Variants in BMPR1A observed in about 807,000 individuals in gnomAD.
BMPR1A encodes the protein bone morphogenetic protein receptor type-1A.
BMPR1A carries 7 observed loss-of-function variants against 66.0 expected under a neutral mutation model. The ratio of observed to expected loss-of-function variants is 0.11; its 90% CI spans 0.06 to 0.20. The LOEUF (loss-of-function observed/expected upper bound fraction) is 0.20. Among genes scored for constraint, BMPR1A ranks in the 10% least tolerant of loss-of-function variants. The pLI is 1.00. For synonymous variants in BMPR1A, 200 were observed against 229.7 expected (o/e 0.87, Z 1.17); for missense variants, 408 against 669.1 (o/e 0.61, Z 4.31).
At chr10:86,793,841 G>A (rs1003708669) in intron 1 of BMPR1A, among the ~76,000 whole-genome samples, 1 of 152,174 alleles carries the variant, frequency 6.6e-6, no homozygotes. Flanking sequence ...CTACAGGGCC[G>A]TGTTCCTTTC....
intron 4 of BMPR1A, 133 bp from the exon 5 acceptor site, chr10:86,891,994 G>A (rs928430084): frequency 2.8e-5 from 20 of 712,554 alleles, no homozygotes; most frequent in South Asian, 7.8e-5. Context: ...AATAAATCAC[G>A]TGTGAATGCA....
At chr10:86,801,459 T>G (rs1377455419) in intron 1 of BMPR1A, among the ~76,000 whole-genome samples, 1 of 152,176 alleles carries the variant, frequency 6.6e-6, no homozygotes, top group African/African-American at 2.4e-5. Flanking sequence ...GCTTAGAGAT[T>G]AATATCACCT....
chr10:86,839,143 G>A (rs1041545748), intron 2 of BMPR1A, among the ~76,000 whole-genome samples, 164 bp downstream of exon 2: 2 of 152,108 alleles, frequency 1.3e-5, no homozygotes, highest in African/African-American at 4.8e-5. Context: ...TTCCTGACGA[G>A]TTCATAAGTA....
rs374179571 is a variant in BMPR1A at position 86,874,192 on chromosome 10, T to A, written c.-152-1675T>A. ...GAATGATATATATCTTGATACTAAT[T>A]AGCCTTTTCCCCCGTTATTTATTTA... On this transcript the variant is annotated intron_variant, in intron 2 of 12. Transcript: ENST00000372037. Among the ~76,000 whole-genome samples the A allele has an allele frequency of 9.8e-5, 15 of 152,290 alleles. 1 individual carries two copies. The highest frequency in any genetic ancestry group is 3.6e-4 in the African/African-American group (15 of 41,558).
chr10:86,892,080 T>G (rs748971979), intron 4 of BMPR1A, 47 bp from the exon 5 acceptor site: 1 of 1,504,138 alleles, frequency 6.6e-7, no homozygotes, highest in East Asian at 2.3e-5. Flanking sequence ...GTTAGTACTT[T>G]CTATGTGAAT....
intron 1 of BMPR1A, among the ~76,000 whole-genome samples, chr10:86,804,321 A>G (rs1013226010): frequency 1.3e-5 from 2 of 151,828 alleles, no homozygotes; most frequent in Non-Finnish European, 2.9e-5. Context: ...GCTCACTGCA[A>G]CTCCACCTCG....
intron 11 of BMPR1A, among the ~76,000 whole-genome samples, chr10:86,922,603 C>T (rs566375213): frequency 1.1e-4 from 17 of 152,318 alleles, no homozygotes; most frequent in South Asian, 4.1e-4. Context: ...GAAAACCAGG[C>T]GAGGCTTCCC....
chr10:86,807,591 T>C (rs906850990), intron 1 of BMPR1A, among the ~76,000 whole-genome samples: 3 of 151,810 alleles, frequency 2.0e-5, no homozygotes, highest in African/African-American at 7.3e-5. Flanking sequence ...CTATGTTGGC[T>C]AGTCTGGTCT....
chr10:86,817,709 G>A (rs1269085932), intron 1 of BMPR1A, among the ~76,000 whole-genome samples: 1 of 152,116 alleles, frequency 6.6e-6, no homozygotes, highest in Non-Finnish European at 1.5e-5. Context: ...GATTGAATGA[G>A]TAATCAAAAA....
Position 86,919,385 on chromosome 10 carries a change from G to A in BMPR1A, c.1082G>A (p.Arg361Gln), listed in dbSNP as rs730881436. 7 of 1,612,900 alleles carry A rather than the reference G, an allele frequency of 4.3e-6. No homozygotes were observed. Among genetic ancestry groups the A allele is most frequent in the South Asian group, 2.2e-5 (2 of 91,024 alleles). The change falls in exon 10 of 13, where the codon CGA becomes CAA. Residue 361 changes from arginine to glutamine, a missense_variant. Arg to Gln is a conservative substitution (Grantham distance 43). Around this residue, in one of 5 missense-constraint regions of BMPR1A, gnomAD observed 130 missense variants for 257.3 expected, o/e 0.51. Coordinates refer to ENST00000372037, the MANE Select transcript of BMPR1A (RefSeq NM_004329.3). ...GTQGKPAIAH[R>Q]DLKSKNILIK... ...CAAGGAAAGCCCGCAATTGCTCATC[G>A]AGACCTAAAGAGCAAAAACATCCTC...
intron 1 of BMPR1A, among the ~76,000 whole-genome samples, chr10:86,814,600 C>T (rs1842009201): frequency 1.3e-5 from 2 of 151,830 alleles, no homozygotes; most frequent in Non-Finnish European, 2.9e-5. Context: ...TTCTGAGTTT[C>T]TTCTGTTCTG....
At chr10:86,918,446 G>A (rs1843608722) in intron 9 of BMPR1A, among the ~76,000 whole-genome samples, 1 of 152,118 alleles carries the variant, frequency 6.6e-6, no homozygotes, top group African/African-American at 2.4e-5. Flanking sequence ...TCACTGATGG[G>A]CAAATGGGAG....
At chr10:86,790,332 G>A (rs1444493038) in intron 1 of BMPR1A, among the ~76,000 whole-genome samples, 1 of 149,406 alleles carries the variant, frequency 6.7e-6, no homozygotes. Flanking sequence ...GGAGAAATGG[G>A]AACCTCCAGA....
intron 8 of BMPR1A, among the ~76,000 whole-genome samples, chr10:86,915,541 C>A (rs1843555117): frequency 6.6e-6 from 1 of 151,666 alleles, no homozygotes; most frequent in African/African-American, 2.4e-5. Context: ...CCAGTCTGGC[C>A]AACATGGTGA....
At chr10:86,757,893 G>C (rs764384381) in intron 1 of BMPR1A, among the ~76,000 whole-genome samples, 2 of 152,132 alleles carry the variant, frequency 1.3e-5, no homozygotes, top group Admixed American at 6.5e-5. Flanking sequence ...AACCAAAACT[G>C]TTTGCAAACA....
At chr10:86,766,521 A>C (rs1374751334) in intron 1 of BMPR1A, among the ~76,000 whole-genome samples, 1 of 152,182 alleles carries the variant, frequency 6.6e-6, no homozygotes, top group African/African-American at 2.4e-5. Context: ...GATTGGATGG[A>C]AAGTGCCAAG....
chr10:86,770,284 G>C (rs545835367), intron 1 of BMPR1A, among the ~76,000 whole-genome samples: 1 of 152,148 alleles, frequency 6.6e-6, no homozygotes, highest in Non-Finnish European at 1.5e-5. Context: ...GTGAGGCCCT[G>C]TGTCATATTC....
At chr10:86,775,801 T>C (rs1029577764) in intron 1 of BMPR1A, among the ~76,000 whole-genome samples, 10 of 152,180 alleles carry the variant, frequency 6.6e-5, no homozygotes, top group Non-Finnish European at 1.3e-4. Flanking sequence ...GTATGTATCT[T>C]CCTAAGATTT....
chr10:86,758,168 A>T (rs1047594788), intron 1 of BMPR1A, among the ~76,000 whole-genome samples: 1 of 152,196 alleles, frequency 6.6e-6, no homozygotes, highest in African/African-American at 2.4e-5. Context: ...GCCGATTGAA[A>T]TGTAGAATGC....
Sources: gnomAD v4.1 joint callset for allele counts (sites outside exome capture counted in the v4.1 genomes callset) on GRCh38, gnomAD v4.1.1 for gene constraint, gnomAD v4.1.1 regional missense constraint, MANE v1.5 for transcripts, NCBI Gene and HGNC (gene_info 2026-07-23, HGNC 2026-07-21) for gene names.